VPS13C: variants seen among roughly 807,000 people sequenced by gnomAD.
VPS13C encodes vacuolar protein sorting 13 homolog C, also known as intermembrane lipid transfer protein VPS13C.
Under a neutral mutation model 456.8 loss-of-function variants are expected in VPS13C, and 358 were observed. That is an observed-to-expected ratio of 0.78 (90% CI 0.72 to 0.86). VPS13C has a LOEUF of 0.86. Among genes scored for constraint, VPS13C ranks in the 40% least tolerant of loss-of-function variants. VPS13C has a pLI of 0.00. For synonymous variants in VPS13C, 1,578 were observed against 1,486.7 expected (o/e 1.06, Z -1.41); for missense variants, 4,818 against 4,385.4 (o/e 1.10, Z -2.79).
chr15:61,969,305 T>C lies in VPS13C; in HGVS notation c.2905A>G (p.Ile969Val). Residue 969 changes from isoleucine to valine, a missense_variant, in exon 28 of 85, where the codon ATT becomes GTT. Around this residue, in one of 3 missense-constraint regions of VPS13C, gnomAD observed 4,552 missense variants for 4,130.6 expected, o/e 1.10. Transcript: ENST00000644861. ...CTATTTTTATGGGTATTACCTTCAA[T>C]TTCATGATAATCCAAGCTGATTTTC... ...LKKISLDYHE[I>V]EGSKRKPLHL... is the part of the protein sequence containing the mutation. 1 of 1,593,106 alleles carries C rather than the reference T, an allele frequency of 6.3e-7. No homozygotes were observed. The highest frequency in any genetic ancestry group is 8.5e-7 in the Non-Finnish European group (1 of 1,171,248).
intron 78 of VPS13C, among the ~76,000 whole-genome samples, chr15:61,872,903 C>T (rs1895141533): frequency 6.6e-6 from 1 of 152,090 alleles, no homozygotes; most frequent in African/African-American, 2.4e-5. Context: ...TTAATTTTCA[C>T]ACATCCCTTC....
In VPS13C at chr15:61,915,889, C is replaced by T. The variant is rs775293531; in HGVS notation, c.8189G>A (p.Arg2730His). ...GKNWNGHFRI[R>H]DTLPEFFPVC... Reference sequence around the variant, plus strand: ...AGGAAAGAATTCTGGTAGTGTATCACGTATGCGGAAATGTCCATTCCAGTT... The same window carrying T: ...AGGAAAGAATTCTGGTAGTGTATCATGTATGCGGAAATGTCCATTCCAGTT... Residue 2730 changes from arginine to histidine, a missense_variant, in exon 61 of 85, where the codon CGT becomes CAT. By Grantham distance (29) the Arg-to-His change is conservative. Coordinates refer to ENST00000644861, the MANE Select transcript of VPS13C (RefSeq NM_020821.3). 7 of 1,613,920 alleles carry T rather than the reference C, an allele frequency of 4.3e-6. No individual in the cohort carries two copies. The highest frequency in any genetic ancestry group is 1.1e-5 in the South Asian group (1 of 91,070).
chr15:61,962,371 C>A lies in VPS13C; in HGVS notation c.3603G>T (p.Leu1201=). The A allele has an allele frequency of 2.6e-6, 4 of 1,565,704 alleles. No individual in the cohort carries two copies. Among genetic ancestry groups the A allele is most frequent in the South Asian group, 1.3e-5 (1 of 79,780 alleles). The change falls in exon 34 of 85, where the codon CTG becomes CTT. Residue 1201 remains leucine (L), a splice_region_variant and synonymous_variant. Transcript: ENST00000644861. ...VYLHKFLMSL[L]NFLNNFQTAK... is the part of the protein sequence containing the mutation. ...ATCAATATACAAATAATTATTTTAC[C>A]AGAAGTGACATAAGGAATTTATGAA...
Position 61,984,983 on chromosome 15 carries a change from A to G in VPS13C, c.1595T>C (p.Met532Thr), listed in dbSNP as rs1349979373. 1 of 1,583,462 alleles carries G rather than the reference A, an allele frequency of 6.3e-7. No individual in the cohort carries two copies. Among genetic ancestry groups the G allele is most frequent in the African/African-American group, 1.4e-5 (1 of 73,206 alleles). ...AGAGGTGCTTACTAACTTCAGGGTC[A>G]TAATATGGGCAACATACTATACAGA... ...TLPKQYVAHI[M>T]TLKLVSTSVT... Residue 532 changes from methionine (M) to threonine (T), a missense_variant, in exon 19 of 85, where the codon ATG (methionine) becomes ACG (threonine). By Grantham distance (81) the Met-to-Thr change is moderately conservative. This residue lies in a region of VPS13C where 4,552 missense variants were observed against 4,130.6 expected (regional missense o/e 1.10). Coordinates refer to ENST00000644861, the MANE Select transcript of VPS13C (RefSeq NM_020821.3).
intron 1 of VPS13C, among the ~76,000 whole-genome samples, chr15:62,045,726 G>T (rs1393060010): frequency 6.6e-6 from 1 of 151,952 alleles, no homozygotes; most frequent in African/African-American, 2.4e-5. Flanking sequence ...TTAGCTACAA[G>T]GATATTGCAG....
intron 1 of VPS13C, among the ~76,000 whole-genome samples, chr15:62,049,992 G>C (rs1041741345): frequency 3.9e-5 from 6 of 152,128 alleles, no homozygotes; most frequent in Non-Finnish European, 5.9e-5. Context: ...CCAGCTTAAG[G>C]AAATTTTGGG....
rs751295864 is a variant in VPS13C at position 62,012,126 on chromosome 15, T to A, written c.864A>T (p.Ile288=). The A allele has an allele frequency of 1.3e-6, 2 of 1,543,060 alleles. No homozygotes were observed. The highest frequency in any genetic ancestry group is 4.5e-5 in the East Asian group (2 of 44,086). The change falls in exon 12 of 85, where the codon ATA becomes ATT. Residue 288 remains isoleucine, a synonymous_variant. Transcript: ENST00000644861. ...ACTTACTGTATTGATAATTTGGGGG[T>A]ATATTTCCACTTGTAAGAATTTCAT... The part of the protein sequence containing the change: ...LKNEILTSGN[I]PPNYQYIFQP...
chr15:61,900,857 C>G (rs1373352537), intron 66 of VPS13C, among the ~76,000 whole-genome samples: 4 of 151,648 alleles, frequency 2.6e-5, no homozygotes, highest in Non-Finnish European at 4.4e-5. Context: ...TGACTTCAAA[C>G]TATACTACAA....
intron 66 of VPS13C, among the ~76,000 whole-genome samples, chr15:61,897,628 G>T (rs2042868034): frequency 6.6e-6 from 1 of 152,106 alleles, no homozygotes; most frequent in African/African-American, 2.4e-5. Flanking sequence ...ACGTCTGATT[G>T]GTGTACCTGA....
At chr15:61,946,464 A>G (rs1431885012) in intron 43 of VPS13C, 54 bp from the exon 44 acceptor site, 2 of 1,326,362 alleles carry the variant, frequency 1.5e-6, no homozygotes, top group Non-Finnish European at 2.1e-6. Flanking sequence ...TGACTAAGCC[A>G]GTGGTATTTA....
intron 1 of VPS13C, among the ~76,000 whole-genome samples, chr15:62,057,881 C>T (rs1029151085): frequency 2.6e-5 from 4 of 152,136 alleles, no homozygotes; most frequent in Admixed American, 1.3e-4. Context: ...ATTGGCATCA[C>T]CTTCGATGTT....
At position 61,858,065 on chromosome 15, in the gene VPS13C, G is replaced by A. The variant is rs549015801; in HGVS notation, c.10953-1656C>T. Among the ~76,000 whole-genome samples, 3 of 152,144 alleles carry A rather than the reference G, an allele frequency of 2.0e-5. No individual in the cohort carries two copies. Among genetic ancestry groups the A allele is most frequent in the East Asian group, 1.9e-4 (1 of 5,168 alleles). On this transcript the variant is annotated intron_variant, in intron 82 of 84. Coordinates refer to ENST00000644861, the MANE Select transcript of VPS13C (RefSeq NM_020821.3). The surrounding 1 kb of genome is among the most constrained non-coding windows in gnomAD (Gnocchi z 4.4). Reference sequence around the variant, plus strand: ...ACTGCCCACACTCCCGGCCCCAGTCGATAATCAGCTGACAGAGCTAAGGAT... The same window carrying A: ...ACTGCCCACACTCCCGGCCCCAGTCAATAATCAGCTGACAGAGCTAAGGAT...
chr15:61,890,722 C>T (rs1053499691), intron 66 of VPS13C, among the ~76,000 whole-genome samples: 2 of 152,080 alleles, frequency 1.3e-5, no homozygotes, highest in African/African-American at 2.4e-5. Context: ...GTCTCCAAGC[C>T]GGAAAACAGA....
chr15:61,927,216 A>C lies in VPS13C; in HGVS notation c.6391T>G (p.Ser2131Ala). 4.3e-6 allele frequency: 7 copies of C among 1,614,190 alleles called. No individual in the cohort carries two copies. The highest frequency in any genetic ancestry group is 5.9e-6 in the Non-Finnish European group (7 of 1,180,016). ...GACAGAGAAAGGTTGCACTGAAACG[A>C]GGCTGTCAGAGCAGGAGCATCAGCC... ...TKADAPALTA[S>A]FQCNLSLSTS... The change falls in exon 52 of 85, where the codon TCG becomes GCG. Residue 2131 changes from serine (S) to alanine (A), a missense_variant. Ser to Ala is a moderately conservative substitution (Grantham distance 99). Coordinates refer to ENST00000644861, the MANE Select transcript of VPS13C (RefSeq NM_020821.3).
At chr15:62,033,619 A>G (rs1227079215) in intron 4 of VPS13C, 77 bp from the exon 5 acceptor site, 1 of 1,026,872 alleles carries the variant, frequency 9.7e-7, no homozygotes, top group African/African-American at 1.7e-5. Flanking sequence ...CAGCCTCATT[A>G]GGATTGTGTA....
At chr15:62,027,825 C>G (rs547073884) in intron 6 of VPS13C, among the ~76,000 whole-genome samples, 3 of 151,858 alleles carry the variant, frequency 2.0e-5, no homozygotes, top group Non-Finnish European at 4.4e-5. Flanking sequence ...TTGCCTTTTG[C>G]GAAGCTTGAA....
chr15:61,918,083 A>G, intron 59 of VPS13C, 53 bp downstream of exon 59: 6 of 1,510,018 alleles, frequency 4.0e-6, no homozygotes, highest in Non-Finnish European at 5.3e-6. Context: ...TTGCCAGAAT[A>G]TAAATCCCCA....
chr15:62,055,292 A>G (rs1391391185), intron 1 of VPS13C, among the ~76,000 whole-genome samples: 2 of 151,842 alleles, frequency 1.3e-5, no homozygotes, highest in Admixed American at 6.6e-5. Context: ...CAGCGGTGCA[A>G]TCTCTGCTCA....
At position 62,034,975 on chromosome 15, in the gene VPS13C, G is replaced by A; in HGVS notation, c.265C>T (p.Leu89Phe). ...VVATLEGLYL[L>F]VVPGASIKYD... is the part of the protein sequence containing the mutation. The stretch of plus-strand genomic sequence containing the variant: ...AACATACTTGCTCCAGGGACAACAA[G>A]CAGGTATAATCCTTCCAGGGTCGCA... The change falls in exon 4 of 85, where the codon CTT becomes TTT. Residue 89 changes from leucine to phenylalanine, a missense_variant. By Grantham distance (22) the Leu-to-Phe change is conservative. Transcript: ENST00000644861. 1 of 1,590,092 alleles carries A rather than the reference G, an allele frequency of 6.3e-7. No individual in the cohort carries two copies. The highest frequency in any genetic ancestry group is 8.6e-7 in the Non-Finnish European group (1 of 1,167,108).
Sources: gnomAD v4.1 joint callset for allele counts (sites outside exome capture counted in the v4.1 genomes callset) on GRCh38, gnomAD v4.1.1 for gene constraint, gnomAD v4.1.1 regional missense constraint, Gnocchi (gnomAD v3.1) non-coding constraint, MANE v1.5 for transcripts, NCBI Gene and HGNC (gene_info 2026-07-23, HGNC 2026-07-21) for gene names.